The following C6orf89 variants were observed in gnomAD, a reference collection of about 807,000 sequenced individuals.
C6orf89 encodes chromosome 6 open reading frame 89.
Under a neutral mutation model 40.7 loss-of-function variants are expected in C6orf89, and 29 were observed. The observed-to-expected ratio is 0.71, with a 90% CI of 0.53 to 0.97. The LOEUF (loss-of-function observed/expected upper bound fraction) is 0.97. C6orf89 is among the 50% of genes least tolerant of loss of function. The probability of loss-of-function intolerance (pLI) is 0.00; values close to 1 mark genes in which losing one functional copy is unlikely to be tolerated. For synonymous variants in C6orf89, 165 were observed against 152.2 expected (o/e 1.08, Z -0.62); for missense variants, 392 against 429.1 (o/e 0.91, Z 0.76).
intron 1 of C6orf89, among the ~76,000 whole-genome samples, chr6:36,872,578 C>T (rs751258939): frequency 2.0e-5 from 3 of 151,978 alleles, no homozygotes; most frequent in Non-Finnish European, 2.9e-5. Flanking sequence ...TCTACTCCAG[C>T]ACATACCTAG....
intron 2 of C6orf89, among the ~76,000 whole-genome samples, chr6:36,897,703 A>G (rs1761490689): frequency 6.6e-6 from 1 of 152,202 alleles, no homozygotes; most frequent in African/African-American, 2.4e-5. Flanking sequence ...GTTAAGACCT[A>G]ATGAACTAAA....
intron 3 of C6orf89, among the ~76,000 whole-genome samples, chr6:36,901,473 T>G (rs1761711322): frequency 6.8e-6 from 1 of 147,650 alleles, no homozygotes; most frequent in Non-Finnish European, 1.5e-5. Flanking sequence ...TAGCTGAGAC[T>G]ACAGGCGCCC....
chr6:36,911,353 C>T (rs1220537737), intron 4 of C6orf89, among the ~76,000 whole-genome samples: 2 of 151,896 alleles, frequency 1.3e-5, no homozygotes, highest in African/African-American at 2.4e-5. Flanking sequence ...AGCCAGGCTT[C>T]GTGGCGGGCA....
At chr6:36,916,418 CT>C (rs1762323834) in intron 6 of C6orf89, 26 bp from the exon 7 acceptor site, 3 of 1,612,776 alleles carry the variant, frequency 1.9e-6, no homozygotes, top group African/African-American at 1.3e-5. Flanking sequence ...AGTTTAATTA[CT>C]TTTTTTCTGT....
rs34739520 is a variant in C6orf89 at position 36,909,782 on chromosome 6, CAAA to C, written c.404-4486_404-4484del. 5.1e-3 allele frequency among the ~76,000 whole-genome samples: 466 copies of C among 91,124 alleles called. 3 individuals carry two copies. Among genetic ancestry groups the C allele is most frequent in the African/African-American group, 0.016 (396 of 25,192 alleles). 59.8% of individuals were successfully genotyped at this position (91,124 alleles called of 152,430 possible). A position where few individuals can be genotyped will look rare whatever the true frequency, so the allele number is the denominator to read the frequency against. On this transcript the variant is annotated intron_variant, in intron 4 of 8. Coordinates refer to ENST00000480824, the MANE Select transcript of C6orf89 (RefSeq NM_001286635.2). ...TGGGTGACAGAATGAGAGCCTGTCT[CAAA>C]AAAAAAAAAAAAAAAGTTTTTTGTT...
At chr6:36,894,172 G>A (rs1044849618) in intron 1 of C6orf89, among the ~76,000 whole-genome samples, 2 of 152,030 alleles carry the variant, frequency 1.3e-5, no homozygotes, top group African/African-American at 2.4e-5. Context: ...CCGGCACACC[G>A]TGTTCTCTTC....
chr6:36,923,495 G>T lies in C6orf89; in HGVS notation c.*54G>T. 7.0e-7 allele frequency: 1 copy of T among 1,421,296 alleles called. No individual in the cohort carries two copies. Among genetic ancestry groups the T allele is most frequent in the East Asian group, 2.3e-5 (1 of 43,746 alleles). The allele number at this position is 1,421,296 out of a possible 1,614,324, so 88.0% of individuals were successfully genotyped here. On this transcript the variant is annotated 3_prime_UTR_variant, in exon 9 of 9. Coordinates refer to ENST00000480824, the MANE Select transcript of C6orf89 (RefSeq NM_001286635.2). ...CCAGAGCCGAAAACCAGGTTGAAAG[G>T]GGAAAAATAAAAACAAAAACGATGA...
At chr6:36,907,253 G>GT (rs1360560484) in intron 4 of C6orf89, among the ~76,000 whole-genome samples, 3 of 150,952 alleles carry the variant, frequency 2.0e-5, no homozygotes, top group Admixed American at 1.3e-4. Context: ...TCCAGAGGGA[G>GT]TTTTTTGTCC....
intron 1 of C6orf89, among the ~76,000 whole-genome samples, chr6:36,888,983 A>C (rs148648117): frequency 2.0e-5 from 3 of 152,304 alleles, no homozygotes; most frequent in South Asian, 4.1e-4. Flanking sequence ...GCTATGGGAA[A>C]CTTGGATCAC....
intron 4 of C6orf89, among the ~76,000 whole-genome samples, chr6:36,911,970 CA>C (rs1027859948): frequency 8.5e-5 from 12 of 140,516 alleles, no homozygotes; most frequent in African/African-American, 3.1e-4. Context: ...AGGGCAAAAC[CA>C]AAATATAACC....
At chr6:36,914,151 C>A (rs946849127) in intron 4 of C6orf89, 133 bp from the exon 5 acceptor site, 1 of 879,166 alleles carries the variant, frequency 1.1e-6, no homozygotes, top group Non-Finnish European at 1.7e-6. Context: ...CAGAGTGAGA[C>A]TCTGTCTCAA....
intron 2 of C6orf89, among the ~76,000 whole-genome samples, chr6:36,896,991 G>A (rs554865894): frequency 1.4e-4 from 21 of 151,758 alleles, no homozygotes; most frequent in African/African-American, 5.1e-4. Flanking sequence ...TTTGCTGGGC[G>A]TGGTGGTGGG....
chr6:36,906,348 A>G (rs1053789990), intron 4 of C6orf89, among the ~76,000 whole-genome samples: 13 of 152,222 alleles, frequency 8.5e-5, no homozygotes, highest in African/African-American at 3.1e-4. Context: ...CACTTACTGT[A>G]TACCAGGTAC....
chr6:36,900,078 G>A (rs769830803), intron 3 of C6orf89, among the ~76,000 whole-genome samples: 5 of 151,856 alleles, frequency 3.3e-5, no homozygotes, highest in African/African-American at 4.8e-5. Flanking sequence ...GTAGAGACAG[G>A]TTTTCTCCAT....
chr6:36,894,684 CT>C (rs1051262500), intron 2 of C6orf89, 81 bp downstream of exon 2: 54 of 309,140 alleles, frequency 1.7e-4, no homozygotes, highest in African/African-American at 1.2e-3. Context: ...CTTTCTGAGC[CT>C]TGAACATGTA....
chr6:36,923,427 T>G lies in C6orf89; in HGVS notation c.1030T>G (p.Phe344Val), dbSNP rs766297396. Residue 344 changes from phenylalanine to valine, a missense_variant, in exon 9 of 9, where the codon TTC becomes GTC. Coordinates refer to ENST00000480824, the MANE Select transcript of C6orf89 (RefSeq NM_001286635.2). ...QPLVICDGTA[F>V]SEL is the part of the protein sequence containing the mutation. ...TTTGGTCATCTGCGATGGAACCGCT[T>G]TCTCAGAACTGTAGGAAATAGAACT... The G allele has an allele frequency of 6.2e-7, 1 of 1,613,514 alleles. No individual in the cohort carries two copies. Among genetic ancestry groups the G allele is most frequent in the Admixed American group, 1.7e-5 (1 of 60,028 alleles).
chr6:36,883,721 A>C (rs1379071086), upstream of C6orf89, among the ~76,000 whole-genome samples: 1 of 152,162 alleles, frequency 6.6e-6, no homozygotes, highest in Non-Finnish European at 1.5e-5. Flanking sequence ...AGAGGCCTTC[A>C]CTCTTCTAGA....
intron 4 of C6orf89, among the ~76,000 whole-genome samples, chr6:36,910,453 C>A (rs1762083604): frequency 6.6e-6 from 1 of 152,138 alleles, no homozygotes; most frequent in African/African-American, 2.4e-5. Context: ...ATTGGCCAGG[C>A]ATGGTGGCTG....
chr6:36,927,421 T>G lies in C6orf89; in HGVS notation c.*3980T>G, dbSNP rs1313680861. ...CTTGTCCATAAAGGAGAAAGCCAGG[T>G]TATAGGAGAAAGAGAGAGAAAGGCG... On this transcript the variant is annotated 3_prime_UTR_variant, in exon 9 of 9. Transcript: ENST00000480824. 1.3e-5 allele frequency: 2 copies of G among 152,092 alleles called. No individual in the cohort carries two copies. The highest frequency in any genetic ancestry group is 4.8e-5 in the African/African-American group (2 of 41,404). The allele number at this position is 152,092 out of a possible 1,614,324, so 9.4% of individuals were successfully genotyped here. A position where few individuals can be genotyped will look rare whatever the true frequency, so the allele number is the denominator to read the frequency against.
Sources: gnomAD v4.1 joint callset for allele counts (sites outside exome capture counted in the v4.1 genomes callset) on GRCh38, gnomAD v4.1.1 for gene constraint, MANE v1.5 for transcripts, NCBI Gene and HGNC (gene_info 2026-07-23, HGNC 2026-07-21) for gene names.